Variants in DEFB135 observed in about 807,000 individuals in gnomAD.
The protein encoded by DEFB135 is beta-defensin 135.
Under a neutral mutation model 8.9 loss-of-function variants are expected in DEFB135, and 14 were observed. The ratio of observed to expected loss-of-function variants is 1.58; its 90% CI spans 1.04 to 2.47. The LOEUF (loss-of-function observed/expected upper bound fraction) is 2.47. Among genes scored for constraint, DEFB135 ranks in the 30% most tolerant of loss-of-function variants. The pLI is 0.00. For missense variants in DEFB135, 135 were observed against 94.2 expected (o/e 1.43, Z -1.79); for synonymous variants, 51 against 34.5 (o/e 1.48, Z -1.67).
chr8:11,984,484 C>T lies in DEFB135; in HGVS notation c.128C>T (p.Thr43Ile). ...IFASCWRLQGTCRPKCLKNEQ... is the reference protein window; with the variant it reads ...IFASCWRLQGICRPKCLKNEQ... ...GCTTCATGTTGGCGACTGCAAGGTA[C>T]TTGCCGGCCAAAATGTCTAAAAAAC... The change falls in exon 2 of 2, where the codon ACT becomes ATT. Residue 43 changes from threonine (T) to isoleucine (I), a missense_variant. Coordinates refer to ENST00000382208, the MANE Select transcript of DEFB135 (RefSeq NM_001033017.3). 1 of 1,584,762 alleles carries T rather than the reference C, an allele frequency of 6.3e-7. No individual in the cohort carries two copies. Among genetic ancestry groups the T allele is most frequent in the Non-Finnish European group, 8.6e-7 (1 of 1,158,070 alleles).
chr8:11,983,485 C>T (rs116438550), intron 1 of DEFB135, among the ~76,000 whole-genome samples: 8,774 of 152,252 alleles, frequency 0.058, 291 homozygotes, highest in Middle Eastern at 0.088. Context: ...GTGGGACCTC[C>T]GACACTTTGC....
At chr8:11,983,055 A>G (rs919718002) in intron 1 of DEFB135, among the ~76,000 whole-genome samples, 4 of 152,200 alleles carry the variant, frequency 2.6e-5, no homozygotes, top group Non-Finnish European at 4.4e-5. Flanking sequence ...TCAAACCTTC[A>G]TATATAAAGC....
intron 1 of DEFB135, among the ~76,000 whole-genome samples, chr8:11,982,669 G>A (rs549580353): frequency 6.6e-6 from 1 of 152,346 alleles, no homozygotes; most frequent in South Asian, 2.1e-4. Flanking sequence ...GGCAGAAGTA[G>A]GGCAGAGCAA....
chr8:11,983,625 A>G (rs754077203), intron 1 of DEFB135, among the ~76,000 whole-genome samples: 2 of 152,104 alleles, frequency 1.3e-5, no homozygotes, highest in Non-Finnish European at 2.9e-5. Context: ...ACAAAGGTTC[A>G]ATCCATGGAC....
intron 1 of DEFB135, 78 bp downstream of exon 1, chr8:11,982,462 A>C: frequency 6.5e-7 from 1 of 1,540,396 alleles, no homozygotes; most frequent in Non-Finnish European, 9.0e-7. Context: ...GAGTGAGAAA[A>C]AGGCAGGACT....
At chr8:11,984,371 A>T (rs1300863847) in intron 1 of DEFB135, 50 bp from the exon 2 acceptor site, 2 of 1,340,626 alleles carry the variant, frequency 1.5e-6, no homozygotes, top group Non-Finnish European at 2.0e-6. Context: ...CCATGACAAC[A>T]TGACACTTCA....
At chr8:11,983,623 T>C (rs1799785866) in intron 1 of DEFB135, among the ~76,000 whole-genome samples, 1 of 152,058 alleles carries the variant, frequency 6.6e-6, no homozygotes, top group Non-Finnish European at 1.5e-5. Context: ...CCACAAAGGT[T>C]CAATCCATGG....
At chr8:11,983,248 C>A (rs1799776573) in intron 1 of DEFB135, among the ~76,000 whole-genome samples, 1 of 152,060 alleles carries the variant, frequency 6.6e-6, no homozygotes. Context: ...ACAAAATTAG[C>A]CGGGCATGGT....
Position 11,984,537 on chromosome 8 carries a change from A to G in DEFB135, c.181A>G (p.Ile61Val), listed in dbSNP as rs755060526. The change falls in exon 2 of 2, where the codon ATA (isoleucine) becomes GTA (valine). Residue 61 changes from isoleucine (I) to valine (V), a missense_variant. By Grantham distance (29) the Ile-to-Val change is conservative (BLOSUM62 3). Transcript: ENST00000382208. Reference sequence around the variant, plus strand: ...ACAATATCGTATTTTGTGTGATACTATACATTTGTGCTGTGTAAACCCAAA... The same window carrying G: ...ACAATATCGTATTTTGTGTGATACTGTACATTTGTGCTGTGTAAACCCAAA... ...NEQYRILCDT[I>V]HLCCVNPKYL... The G allele has an allele frequency of 1.9e-6, 3 of 1,572,712 alleles. No individual in the cohort carries two copies. The highest frequency in any genetic ancestry group is 1.1e-5 in the South Asian group (1 of 87,094).
At position 11,984,558 on chromosome 8, in the gene DEFB135, C is replaced by A; in HGVS notation, c.202C>A (p.Pro68Thr). The A allele has an allele frequency of 6.5e-7, 1 of 1,540,880 alleles. No homozygotes were observed. Among genetic ancestry groups the A allele is most frequent in the Admixed American group, 1.8e-5 (1 of 56,092 alleles). The change falls in exon 2 of 2, where the codon CCA becomes ACA. Residue 68 changes from proline to threonine, a missense_variant. Coordinates refer to ENST00000382208, the MANE Select transcript of DEFB135 (RefSeq NM_001033017.3). ...CDTIHLCCVNPKYLPILTGK is the reference protein window; with the variant it reads ...CDTIHLCCVNTKYLPILTGK ...TACTATACATTTGTGCTGTGTAAAC[C>A]CAAAATATTTACCTATACTGACTGG... is the stretch of plus-strand genomic sequence containing the variant.
intron 1 of DEFB135, among the ~76,000 whole-genome samples, chr8:11,983,572 T>C (rs899340150): frequency 6.6e-6 from 1 of 152,120 alleles, no homozygotes; most frequent in African/African-American, 2.4e-5. Context: ...CAAGTTTGCC[T>C]GCTAACGGCC....
chr8:11,982,652 T>C (rs1431581883), intron 1 of DEFB135, among the ~76,000 whole-genome samples: 1 of 152,176 alleles, frequency 6.6e-6, no homozygotes, highest in East Asian at 1.9e-4. Flanking sequence ...GCTGGACTGT[T>C]GGTACTGGCA....
In DEFB135 at chr8:11,982,403, C is replaced by A; in HGVS notation, c.64+19C>A. The A allele has an allele frequency of 6.2e-7, 1 of 1,613,722 alleles. No homozygotes were observed. Among genetic ancestry groups the A allele is most frequent in the Non-Finnish European group, 8.5e-7 (1 of 1,179,746 alleles). ...CCACCAGGTAAAATGGAGTCCCCACCTTGTAGAATTAGGAATAGTAAAGGG... is the reference window on the plus strand; with the variant it reads ...CCACCAGGTAAAATGGAGTCCCCACATTGTAGAATTAGGAATAGTAAAGGG... On this transcript the variant is annotated intron_variant, in intron 1 of 1. Coordinates refer to ENST00000382208, the MANE Select transcript of DEFB135 (RefSeq NM_001033017.3).
chr8:11,982,523 T>C (rs1585084380), intron 1 of DEFB135, 139 bp downstream of exon 1: 3 of 863,514 alleles, frequency 3.5e-6, no homozygotes, highest in East Asian at 2.6e-5. Flanking sequence ...ATGGACATGC[T>C]GGGCTGGTCC....
Position 11,984,579 on chromosome 8 carries a change from A to T in DEFB135, c.223A>T (p.Thr75Ser), listed in dbSNP as rs1364387957. 9 of 1,498,578 alleles carry T rather than the reference A, an allele frequency of 6.0e-6. No homozygotes were observed. The highest frequency in any genetic ancestry group is 1.4e-5 in the African/African-American group (1 of 71,960). The allele number at this position is 1,498,578 out of a possible 1,614,324, so 92.8% of individuals were successfully genotyped here. Reference protein sequence around the residue: ...CVNPKYLPILTGK With the variant: ...CVNPKYLPILSGK Reference sequence around the variant, plus strand: ...AAACCCAAAATATTTACCTATACTGACTGGGAAATAGTTGTGAGTACCTGA... The same window carrying T: ...AAACCCAAAATATTTACCTATACTGTCTGGGAAATAGTTGTGAGTACCTGA... Residue 75 changes from threonine (T) to serine (S), a missense_variant, in exon 2 of 2, where the codon ACT (threonine) becomes TCT (serine). Coordinates refer to ENST00000382208, the MANE Select transcript of DEFB135 (RefSeq NM_001033017.3).
intron 1 of DEFB135, among the ~76,000 whole-genome samples, chr8:11,983,281 T>G (rs1156586592): frequency 6.6e-6 from 1 of 151,982 alleles, no homozygotes; most frequent in Middle Eastern, 3.2e-3. Flanking sequence ...TCCCAGCTAC[T>G]CGGGAAGCTG....
At position 11,982,328 on chromosome 8, in the gene DEFB135, C is replaced by T; in HGVS notation, c.8C>T (p.Thr3Ile). The change falls in exon 1 of 2, where the codon ACA (threonine) becomes ATA (isoleucine). Residue 3 changes from threonine to isoleucine, a missense_variant. Thr to Ile is a moderately conservative substitution (Grantham distance 89). Coordinates refer to ENST00000382208, the MANE Select transcript of DEFB135 (RefSeq NM_001033017.3). Reference sequence around the variant, plus strand: ...GCTTCTTTGCTGATTGGTATGGCCACAAGGAGCGTCCTCTTGGCCCTCGTG... The same window carrying T: ...GCTTCTTTGCTGATTGGTATGGCCATAAGGAGCGTCCTCTTGGCCCTCGTG... The part of the protein sequence containing the change: MA[T>I]RSVLLALVVL... 6.2e-7 allele frequency: 1 copy of T among 1,614,170 alleles called. No homozygotes were observed. Among genetic ancestry groups the T allele is most frequent in the South Asian group, 1.1e-5 (1 of 91,086 alleles).
chr8:11,984,243 G>C (rs1484635885), intron 1 of DEFB135, among the ~76,000 whole-genome samples, 178 bp from the exon 2 acceptor site: 2 of 152,164 alleles, frequency 1.3e-5, no homozygotes, highest in Non-Finnish European at 2.9e-5. Flanking sequence ...AGGGCCCCTG[G>C]AAAACAAGGT....
At chr8:11,983,882 T>G (rs1799793738) in intron 1 of DEFB135, among the ~76,000 whole-genome samples, 1 of 152,020 alleles carries the variant, frequency 6.6e-6, no homozygotes, top group Non-Finnish European at 1.5e-5. Flanking sequence ...AAAGTACCCA[T>G]GGGAGAATGG....
Sources: allele counts gnomAD v4.1 joint callset (sites outside exome capture counted in the v4.1 genomes callset), GRCh38; gene constraint gnomAD v4.1.1; transcripts MANE v1.5; gene names NCBI Gene and HGNC (gene_info 2026-07-23, HGNC 2026-07-21).